PCGF3: variants seen among roughly 807,000 people sequenced by gnomAD.
PCGF3 encodes polycomb group RING finger protein 3.
Under a neutral mutation model 33.1 loss-of-function variants are expected in PCGF3, and 7 were observed. That is an observed-to-expected ratio of 0.21 (90% confidence interval 0.12 to 0.40). The LOEUF (loss-of-function observed/expected upper bound fraction) is 0.40. Among genes scored for constraint, PCGF3 ranks in the 10% least tolerant of loss-of-function variants. PCGF3 has a pLI of 1.00. For synonymous variants in PCGF3, 153 were observed against 121.3 expected, an observed-to-expected ratio of 1.26 and a Z score of -1.72; for missense variants, 211 against 313.3, an observed-to-expected ratio of 0.67 and a Z score of 2.46.
intron 4 of PCGF3, 87 bp downstream of exon 4, chr4:733,876 G>T: frequency 1.2e-6 from 2 of 1,606,038 alleles, no homozygotes; most frequent in African/African-American, 1.3e-5. Context: ...GTTACCACAC[G>T]CTTTTAGCTC....
intron 6 of PCGF3, among the ~76,000 whole-genome samples, chr4:740,278 G>A (rs1024894237): frequency 4.6e-5 from 7 of 152,246 alleles, no homozygotes; most frequent in African/African-American, 1.7e-4. Flanking sequence ...CGCTGTCCCC[G>A]CACCCCCACA....
rs750755478 is a variant in PCGF3, at chr4:764,977, C to A, written c.601-7C>A. The stretch of plus-strand genomic sequence containing the variant: ...TCCGCTGCTAATCAAACCTCCTTAT[C>A]CCCCAGCTGGACATTTTATGCAACG... On this transcript the variant is annotated splice_polypyrimidine_tract_variant and splice_region_variant and intron_variant, in intron 9 of 10. Coordinates refer to ENST00000362003, the Ensembl canonical transcript of PCGF3. 117 of 1,611,378 alleles carry A rather than the reference C, an allele frequency of 7.3e-5. No individual in the cohort carries two copies. Among genetic ancestry groups the A allele is most frequent in the Non-Finnish European group, 9.3e-5 (110 of 1,177,738 alleles).
At chr4:725,307 C>G (rs1402221791) in intron 1 of PCGF3, 1 of 152,946 alleles carries the variant, frequency 6.5e-6, no homozygotes, top group East Asian at 1.9e-4. Flanking sequence ...GTTCTGTTTC[C>G]AGCTTTAAGC....
intron 1 of PCGF3, among the ~76,000 whole-genome samples, chr4:716,711 C>T (rs11728488): frequency 0.086 from 8,873 of 102,676 alleles, 1,346 homozygotes; most frequent in Non-Finnish European, 0.13. Flanking sequence ...GGTGCTGGGA[C>T]CCTGAAGACA....
At chr4:722,268 G>A in intron 1 of PCGF3, 1 of 164,270 alleles carries the variant, frequency 6.1e-6, no homozygotes, top group Non-Finnish European at 1.3e-5. Context: ...GACTTTTACT[G>A]CAAAACAAAA....
At chr4:734,634 GACCCAC>G in intron 4 of PCGF3, 3 of 1,242,622 alleles carry the variant, frequency 2.4e-6, no homozygotes, top group Non-Finnish European at 3.0e-6. Context: ...ATGTTCTGAT[GACCCAC>G]AGCTCTGTCA....
chr4:750,117 C>A (rs569796925), intron 8 of PCGF3, among the ~76,000 whole-genome samples: 3 of 152,328 alleles, frequency 2.0e-5, no homozygotes, highest in African/African-American at 7.2e-5. Context: ...TCTTTGTAAG[C>A]GCATTTCCGG....
At chr4:762,911 G>GA (rs1266171092) in intron 9 of PCGF3, 2 of 152,332 alleles carry the variant, frequency 1.3e-5, no homozygotes, top group Non-Finnish European at 2.9e-5. Context: ...AAGGGGTCAG[G>GA]AATGACTGCA....
intron 10 of PCGF3, among the ~76,000 whole-genome samples, chr4:765,577 GGCCATGAGT>G (rs368606321): frequency 3.9e-5 from 6 of 152,240 alleles, no homozygotes; most frequent in Non-Finnish European, 7.3e-5. Context: ...AAAGTGCTGA[GGCCATGAGT>G]GCCATGAGCA....
chr4:708,206 G>A (rs1055970643), intron 1 of PCGF3, among the ~76,000 whole-genome samples: 9 of 152,064 alleles, frequency 5.9e-5, no homozygotes, highest in African/African-American at 2.2e-4. Context: ...ACCTCAAACG[G>A]GGTCACTTAG....
At chr4:743,429 A>T in intron 6 of PCGF3, 45 bp from the exon 7 acceptor site, 1 of 1,128,032 alleles carries the variant, frequency 8.9e-7, no homozygotes, top group South Asian at 1.2e-5. Flanking sequence ...GTTTAATAGA[A>T]TCCACTGCCT....
chr4:708,635 C>T (rs935452813), intron 1 of PCGF3, among the ~76,000 whole-genome samples: 10 of 152,336 alleles, frequency 6.6e-5, no homozygotes, highest in East Asian at 3.9e-4. Flanking sequence ...CTCAGCCCCT[C>T]GTCCGGGGCT....
At chr4:761,730 G>C (rs1285236373) in intron 9 of PCGF3, 2 of 985,432 alleles carry the variant, frequency 2.0e-6, no homozygotes, top group Non-Finnish European at 2.4e-6. Context: ...ATTTCACAAG[G>C]GGAGACATGG....
intron 1 of PCGF3, among the ~76,000 whole-genome samples, chr4:724,920 C>T (rs1743262743): frequency 6.6e-6 from 1 of 152,010 alleles, no homozygotes; most frequent in African/African-American, 2.4e-5. Context: ...TGAGATCACA[C>T]CACTGCACTC....
exon 11 of PCGF3, chr4:766,301 C>CT: frequency 2.0e-6 from 1 of 495,942 alleles, no homozygotes; most frequent in Non-Finnish European, 3.6e-6. Context: ...CGATCGTCCT[C>CT]TCCCCCGCCC....
chr4:758,392 T>C (rs894935077), intron 8 of PCGF3, among the ~76,000 whole-genome samples: 9 of 141,818 alleles, frequency 6.3e-5, no homozygotes, highest in African/African-American at 2.5e-4. Context: ...GGAGTTCTTC[T>C]CCTTCCGGAC....
At chr4:714,481 G>A (rs748113230) in intron 1 of PCGF3, among the ~76,000 whole-genome samples, 31 of 152,226 alleles carry the variant, frequency 2.0e-4, no homozygotes, top group Non-Finnish European at 2.8e-4. Flanking sequence ...ACCCTAGGAC[G>A]GTGGCACCTA....
chr4:743,588 A>T lies in PCGF3; in HGVS notation c.373+4A>T. The T allele has an allele frequency of 6.4e-7, 1 of 1,563,356 alleles. No homozygotes were observed. The highest frequency in any genetic ancestry group is 8.8e-7 in the Non-Finnish European group (1 of 1,133,970). ...CACTTAGATTCCCATCGGAATGGTG[A>T]GTGCCCTGCGTGCCCATCCAGAAGC... On this transcript the variant is annotated splice_donor_region_variant and intron_variant, in intron 7 of 10. Transcript: ENST00000362003.
At chr4:760,080 T>G (rs906334910) in intron 8 of PCGF3, among the ~76,000 whole-genome samples, 1 of 152,224 alleles carries the variant, frequency 6.6e-6, no homozygotes, top group African/African-American at 2.4e-5. Context: ...TCTTGCTTTT[T>G]GCACAGAATC....
Sources: allele counts gnomAD v4.1 joint callset (sites outside exome capture counted in the v4.1 genomes callset), GRCh38; gene constraint gnomAD v4.1.1; transcripts MANE v1.5; gene names NCBI Gene and HGNC (gene_info 2026-07-23, HGNC 2026-07-21).